WDR86: variants seen among roughly 807,000 people sequenced by gnomAD.
WDR86 encodes the protein WD repeat domain 86, also known as WD repeat-containing protein 86.
In WDR86, 30 loss-of-function variants were observed where a neutral mutation model predicts 36.5. That is an observed-to-expected ratio of 0.82 (90% CI 0.61 to 1.11). The LOEUF (loss-of-function observed/expected upper bound fraction) is 1.11. Among genes scored for constraint, WDR86 ranks in the 50% most tolerant of loss-of-function variants. WDR86 has a pLI of 0.00. For synonymous variants in WDR86, 255 were observed against 252.9 expected, an observed-to-expected ratio of 1.01 and a Z score of -0.08; for missense variants, 545 against 561.2, an observed-to-expected ratio of 0.97 and a Z score of 0.29.
At chr7:151,392,935 A>C (rs1799539407) in intron 3 of WDR86, among the ~76,000 whole-genome samples, 2 of 146,598 alleles carry the variant, frequency 1.4e-5, no homozygotes, top group South Asian at 2.2e-4. Context: ...CCTGCACCCC[A>C]CCCCCCTGCT....
chr7:151,397,476 C>G (rs188770500), intron 2 of WDR86, among the ~76,000 whole-genome samples: 2 of 152,178 alleles, frequency 1.3e-5, no homozygotes, highest in Admixed American at 1.3e-4. Flanking sequence ...CAGGCTGGAG[C>G]GCAGTGGCAC....
chr7:151,384,450 C>T (rs1231996127), intron 4 of WDR86, among the ~76,000 whole-genome samples: 1 of 152,212 alleles, frequency 6.6e-6, no homozygotes, highest in Admixed American at 6.5e-5. Context: ...GTCCTTTCGC[C>T]CTTCATCCTC....
chr7:151,371,526 T>TA (rs1181350882), downstream of WDR86, among the ~76,000 whole-genome samples: 5 of 151,976 alleles, frequency 3.3e-5, no homozygotes, highest in African/African-American at 4.8e-5. Context: ...TGGCAAGAGA[T>TA]AGAGGGTTGC....
downstream of WDR86, among the ~76,000 whole-genome samples, chr7:151,373,657 T>C (rs189335490): frequency 1.6e-3 from 246 of 152,328 alleles, 1 homozygote; most frequent in African/African-American, 5.4e-3. Context: ...ACATTTTAAC[T>C]TGAATCCCTG....
At position 151,396,163 on chromosome 7, in the gene WDR86, G is replaced by C. The variant is rs1799812933; in HGVS notation, c.339C>G (p.Ser113Arg). The change falls in exon 3 of 6, where the codon AGC becomes AGG. Residue 113 changes from serine (S) to arginine (R), a missense_variant. Physicochemically the swap from Ser to Arg is moderately radical, Grantham distance 110. Coordinates refer to ENST00000334493, the MANE Select transcript of WDR86 (RefSeq NM_198285.3). ...AGACCCGAGCTGTCCGGTCATAGGA[G>C]CTGCTGAAGAGCTGGTTGTTGGCAA... ...ILVANNQLFSSSYDRTARVWS... is the reference protein window; with the variant it reads ...ILVANNQLFSRSYDRTARVWS... The C allele has an allele frequency of 6.2e-7, 1 of 1,612,870 alleles. No individual in the cohort carries two copies. Among genetic ancestry groups the C allele is most frequent in the Non-Finnish European group, 8.5e-7 (1 of 1,179,904 alleles).
downstream of WDR86, chr7:151,376,418 T>G: frequency 1.8e-6 from 1 of 552,732 alleles, no homozygotes; most frequent in Non-Finnish European, 3.2e-6. Flanking sequence ...TGTCCTGAGA[T>G]GGCTGCTCCC....
At chr7:151,386,700 G>T (rs1799008959) in intron 3 of WDR86, among the ~76,000 whole-genome samples, 1 of 152,144 alleles carries the variant, frequency 6.6e-6, no homozygotes, top group South Asian at 2.1e-4. Context: ...GAGCCTGCCG[G>T]GCACACAGTC....
rs1798608695 is a variant in WDR86, at chr7:151,381,870, G to A, written c.966+8C>T. On this transcript the variant is annotated splice_region_variant and intron_variant, in intron 5 of 5. Transcript: ENST00000334493. This position sits in a 1 kb window ranked among gnomAD's most constrained non-coding sequence, Gnocchi z 4.8. Reference sequence around the variant, plus strand: ...GGCGGCGGCCCCGAGAAGGGCAGAGGGACCTACCTGGATGCAGTTGATGAT... The same window carrying A: ...GGCGGCGGCCCCGAGAAGGGCAGAGAGACCTACCTGGATGCAGTTGATGAT... 1.2e-6 allele frequency: 2 copies of A among 1,605,374 alleles called. No individual in the cohort carries two copies. Among genetic ancestry groups the A allele is most frequent in the African/African-American group, 2.7e-5 (2 of 74,788 alleles).
chr7:151,379,248 G>A (rs539969999), downstream of WDR86, among the ~76,000 whole-genome samples: 40 of 152,308 alleles, frequency 2.6e-4, no homozygotes, highest in South Asian at 8.3e-4. Context: ...TGATCACAGC[G>A]GGGAGGTTGG....
chr7:151,370,084 G>C, the WDR86 span, among the ~76,000 whole-genome samples: 3 of 151,720 alleles, frequency 2.0e-5, no homozygotes, highest in Admixed American at 2.0e-4. Context: ...CAGAGACTTT[G>C]AAAAGCTGAG....
At position 151,381,897 on chromosome 7, in the gene WDR86, A is replaced by C; in HGVS notation, c.947T>G (p.Phe316Cys). ...ACCTACCTGGATGCAGTTGATGATGAATGTGTGGCCCCGGAACACCCTCCG... is the reference window on the plus strand; with the variant it reads ...ACCTACCTGGATGCAGTTGATGATGCATGTGTGGCCCCGGAACACCCTCCG... ...ELRRVFRGHT[F>C]IINCIQVHGQ... Residue 316 changes from phenylalanine (F) to cysteine (C), a missense_variant, in exon 5 of 6, where the codon TTC (phenylalanine) becomes TGC (cysteine). Coordinates refer to ENST00000334493, the MANE Select transcript of WDR86 (RefSeq NM_198285.3). The surrounding 1 kb of genome is among the most constrained non-coding windows in gnomAD (Gnocchi z 4.8). 6.2e-7 allele frequency: 1 copy of C among 1,610,044 alleles called. No individual in the cohort carries two copies. The highest frequency in any genetic ancestry group is 8.5e-7 in the Non-Finnish European group (1 of 1,178,680).
Position 151,409,957 on chromosome 7 carries a change from G to A in WDR86, c.-368C>T. The A allele has an allele frequency of 9.7e-7, 1 of 1,029,038 alleles. No individual in the cohort carries two copies. Among genetic ancestry groups the A allele is most frequent in the Non-Finnish European group, 1.2e-6 (1 of 859,212 alleles). The allele number at this position is 1,029,038 out of a possible 1,614,324, so 63.7% of individuals were successfully genotyped here. A position where few individuals can be genotyped will look rare whatever the true frequency, so the allele number is the denominator to read the frequency against. ...CAAGGAGCCCCCCGCCTCCTCTCGC[G>A]CCCACGGGGCTGGGGCGGGGAGAGG... On this transcript the variant is annotated 5_prime_UTR_variant, in exon 1 of 6. Coordinates refer to ENST00000334493, the MANE Select transcript of WDR86 (RefSeq NM_198285.3). The surrounding 1 kb of genome is among the most constrained non-coding windows in gnomAD (Gnocchi z 5.2).
chr7:151,409,123 A>C lies in WDR86; in HGVS notation c.163+304T>G, dbSNP rs1800981755. The C allele has an allele frequency of 1.5e-6, 1 of 651,348 alleles. No homozygotes were observed. Among genetic ancestry groups the C allele is most frequent in the Non-Finnish European group, 2.9e-6 (1 of 343,096 alleles). The allele number at this position is 651,348 out of a possible 1,614,324, so 40.3% of individuals were successfully genotyped here. A position where few individuals can be genotyped will look rare whatever the true frequency, so the allele number is the denominator to read the frequency against. On this transcript the variant is annotated intron_variant, in intron 1 of 5. Transcript: ENST00000334493. The surrounding 1 kb of genome is among the most constrained non-coding windows in gnomAD (Gnocchi z 5.2). ...TTTTTGTTTGTTAACATTGTTGTCA[A>C]GGGAGATTTCCTGCCGCTGGTTGAC...
chr7:151,395,690 G>A (rs979209913), intron 3 of WDR86, 86 bp downstream of exon 3: 198 of 1,424,976 alleles, frequency 1.4e-4, no homozygotes, highest in Non-Finnish European at 1.8e-4. Flanking sequence ...TTATGCAGCC[G>A]AATCACAGAT....
the WDR86 span, among the ~76,000 whole-genome samples, chr7:151,369,386 G>A: frequency 9.2e-5 from 14 of 152,194 alleles, no homozygotes; most frequent in East Asian, 2.1e-3. Context: ...GGTGGCAAAC[G>A]GTCCCCTCTC....
At chr7:151,387,666 C>T (rs1799090273) in intron 3 of WDR86, among the ~76,000 whole-genome samples, 1 of 152,128 alleles carries the variant, frequency 6.6e-6, no homozygotes, top group Non-Finnish European at 1.5e-5. Flanking sequence ...CGGGCCTCCA[C>T]CTCCCCGGGC....
In WDR86 at chr7:151,402,070, A is replaced by AAAAATATAT; in HGVS notation, c.164-1830_164-1829insATATATTTT. Among the ~76,000 whole-genome samples the AAAAATATAT allele has an allele frequency of 1.0e-3, 51 of 50,540 alleles. No homozygotes were observed. The East Asian group carries it at 0.017, about 17-fold the overall frequency. 33.2% of individuals were successfully genotyped at this position (50,540 alleles called of 152,430 possible). A position where few individuals can be genotyped will look rare whatever the true frequency, so the allele number is the denominator to read the frequency against. On this transcript the variant is annotated intron_variant, in intron 1 of 5. Coordinates refer to ENST00000334493, the MANE Select transcript of WDR86 (RefSeq NM_198285.3). ...CTCAAAAAAAAAAAAAAAAAAAAAA[A>AAAAATATAT]ATATATATATATATATATATATCTC...
intron 3 of WDR86, among the ~76,000 whole-genome samples, chr7:151,385,743 C>G (rs1435933912): frequency 6.6e-6 from 1 of 152,140 alleles, no homozygotes; most frequent in Admixed American, 6.5e-5. Context: ...TCATGGGGCT[C>G]ACAGTGAGAA....
At position 151,381,955 on chromosome 7, in the gene WDR86, C is replaced by T. The variant is rs978500606; in HGVS notation, c.889G>A (p.Ala297Thr). Residue 297 changes from alanine to threonine, a missense_variant, in exon 5 of 6, where the codon GCC becomes ACC. Ala to Thr is a moderately conservative substitution (Grantham distance 58). Transcript: ENST00000334493. The surrounding 1 kb of genome is among the most constrained non-coding windows in gnomAD (Gnocchi z 4.8). ...TLFTGSGDAC[A>T]RAFDAQSGEL... is the part of the protein sequence containing the mutation. ...CCAGACTGCGCGTCGAAGGCCCGGG[C>T]GCAAGCGTCCCCGCTGCCCGTGAAC... The T allele has an allele frequency of 2.5e-6, 4 of 1,606,746 alleles. 1 individual carries two copies. The Middle Eastern group carries it at 5.0e-4, about 199-fold the overall frequency.
Sources: allele counts gnomAD v4.1 joint callset (sites outside exome capture counted in the v4.1 genomes callset), GRCh38; gene constraint gnomAD v4.1.1; non-coding constraint Gnocchi (gnomAD v3.1); transcripts MANE v1.5; gene names NCBI Gene and HGNC (gene_info 2026-07-23, HGNC 2026-07-21).